OTOG: variants seen among roughly 807,000 people sequenced by gnomAD.
OTOG encodes the protein otogelin.
OTOG carries 296 observed loss-of-function variants against 313.8 expected under a neutral mutation model. The ratio of observed to expected loss-of-function variants is 0.94; its 90% confidence interval spans 0.86 to 1.04. The LOEUF (loss-of-function observed/expected upper bound fraction) is 1.04, where lower values mean the gene tolerates loss of function less well. Among genes scored for constraint, OTOG ranks in the 50% least tolerant of loss-of-function variants. The pLI is 0.00. For missense variants in OTOG, 3,948 were observed against 3,840.1 expected (o/e 1.03, Z -0.74); for synonymous variants, 1,533 against 1,554.9 (o/e 0.99, Z 0.33).
At chr11:17,622,786 C>T (rs1590049355) in intron 39 of OTOG, among the ~76,000 whole-genome samples, 1 of 152,218 alleles carries the variant, frequency 6.6e-6, no homozygotes, top group East Asian at 1.9e-4. Context: ...CAAATCTTAG[C>T]TATCGTGAAC....
In OTOG at chr11:17,553,390, C is replaced by G. The variant is rs1281379084; in HGVS notation, c.411C>G (p.Asp137Glu). The change falls in exon 6 of 56, where the codon GAC (aspartate) becomes GAG (glutamate). Residue 137 changes from aspartate (D) to glutamate (E), a missense_variant. By Grantham distance (45) the Asp-to-Glu change is conservative. Transcript: ENST00000399397. Reference sequence around the variant, plus strand: ...TGTACAATGCCGGCCCTGAGAGGGACAGCATTTGCCGGGCGTGGGGGCAGC... The same window carrying G: ...TGTACAATGCCGGCCCTGAGAGGGAGAGCATTTGCCGGGCGTGGGGGCAGC... ...QMVYNAGPER[D>E]SICRAWGQHH... The G allele has an allele frequency of 8.2e-6, 12 of 1,463,962 alleles. No individual in the cohort carries two copies. The highest frequency in any genetic ancestry group is 1.1e-5 in the Non-Finnish European group (12 of 1,104,734). 90.7% of individuals were successfully genotyped at this position (1,463,962 alleles called of 1,614,324 possible).
At chr11:17,615,272 A>G (rs1388465193) in intron 39 of OTOG, among the ~76,000 whole-genome samples, 1 of 152,204 alleles carries the variant, frequency 6.6e-6, no homozygotes, top group Non-Finnish European at 1.5e-5. Flanking sequence ...TTTATCACAT[A>G]TAAATCTAAT....
In OTOG at chr11:17,606,133, TG is replaced by T; in HGVS notation, c.4156+1del. On this transcript the variant is annotated frameshift_variant and splice_region_variant, in exon 33 of 56. Coordinates refer to ENST00000399397, the MANE Select transcript of OTOG (RefSeq NM_001292063.2). LOFTEE classifies it high-confidence loss of function. Reference sequence around the variant, plus strand: ...CGCCGGGGCACACTCTTCCGCCTTCTGGGTAGGCGACCCCCTGCCATTGCCC... The same window carrying T: ...CGCCGGGGCACACTCTTCCGCCTTCTGGTAGGCGACCCCCTGCCATTGCCC... ...VFRRGTLFRL[L>X]DAKPSGAAYP... is the part of the protein sequence containing the mutation. The T allele has an allele frequency of 6.5e-7, 1 of 1,528,244 alleles. No homozygotes were observed. The highest frequency in any genetic ancestry group is 8.8e-7 in the Non-Finnish European group (1 of 1,133,638). 94.7% of individuals were successfully genotyped at this position (1,528,244 alleles called of 1,614,324 possible).
intron 40 of OTOG, among the ~76,000 whole-genome samples, chr11:17,630,343 G>A (rs75568910): frequency 4.6e-5 from 7 of 152,186 alleles, no homozygotes; most frequent in Non-Finnish European, 1.0e-4. Flanking sequence ...AAAGAGCACT[G>A]TGGTCAGCAG....
intron 8 of OTOG, among the ~76,000 whole-genome samples, chr11:17,557,817 TG>T (rs1206498172): frequency 6.6e-6 from 1 of 152,140 alleles, no homozygotes; most frequent in East Asian, 1.9e-4. Flanking sequence ...AAGTAGTCCT[TG>T]CAACAATCTC....
intron 9 of OTOG, 74 bp from the exon 10 acceptor site, chr11:17,558,464 C>G: frequency 6.5e-7 from 1 of 1,530,490 alleles, no homozygotes; most frequent in Non-Finnish European, 8.8e-7. Context: ...CCCCACAGCT[C>G]AAGTTGGGGT....
rs539784682 is a variant in OTOG, at chr11:17,591,453, G to A, written c.2871G>A (p.Val957=). Residue 957 remains valine, a synonymous_variant, in exon 25 of 56, where the codon GTG becomes GTA. Transcript: ENST00000399397. The stretch of plus-strand genomic sequence containing the variant: ...GGTCTGGGCATGTGTTTTTCAGTGT[G>A]TGCCAGCGGGGCTCATTCCAGTGCA... ...DQVMSPCHTC[V]CQRGSFQCTL... is the part of the protein sequence containing the mutation. The A allele has an allele frequency of 3.0e-5, 46 of 1,550,710 alleles. No homozygotes were observed. In the African/African-American group the frequency reaches 5.3e-4, roughly 18 times the overall value.
At chr11:17,634,303 C>A in intron 44 of OTOG, 22 bp downstream of exon 44, 1 of 1,545,848 alleles carries the variant, frequency 6.5e-7, no homozygotes, top group Non-Finnish European at 8.7e-7. Flanking sequence ...CCTTCACTTC[C>A]TTGGACGTCA....
chr11:17,609,030 T>G, intron 34 of OTOG, 100 bp from the exon 35 acceptor site: 1 of 898,704 alleles, frequency 1.1e-6, no homozygotes, highest in Non-Finnish European at 1.7e-6. Flanking sequence ...TGCACGCACA[T>G]GTGTCATAAG....
intron 28 of OTOG, 140 bp downstream of exon 28, chr11:17,594,306 C>A: frequency 1.8e-6 from 2 of 1,142,594 alleles, no homozygotes; most frequent in Non-Finnish European, 1.2e-6. Flanking sequence ...GACTGCATCC[C>A]TAGCCCTAGA....
Position 17,610,352 on chromosome 11 carries a change from C to T in OTOG, c.5052C>T (p.Pro1684=), listed in dbSNP as rs559123807. The T allele has an allele frequency of 6.4e-4, 999 of 1,550,702 alleles. 16 individuals carry two copies. In the South Asian group the frequency reaches 0.011, roughly 17 times the overall value. ...KVISRTGVPQ[P]TQAQSASSPS... is the part of the protein sequence containing the mutation. ...TAAGCAGGACAGGGGTCCCCCAGCC[C>T]ACCCAGGCCCAGAGTGCTTCAAGTC... The change falls in exon 36 of 56, where the codon CCC becomes CCT. Residue 1684 remains proline (P), a synonymous_variant. Coordinates refer to ENST00000399397, the MANE Select transcript of OTOG (RefSeq NM_001292063.2).
At position 17,629,170 on chromosome 11, in the gene OTOG, G is replaced by A. The variant is rs893396157; in HGVS notation, c.6566G>A (p.Ser2189Asn). The change falls in exon 40 of 56, where the codon AGC becomes AAC. Residue 2189 changes from serine to asparagine, a missense_variant. Coordinates refer to ENST00000399397, the MANE Select transcript of OTOG (RefSeq NM_001292063.2). ...TTGCAGCCTGTGTGGCCACCGGTGA[G>A]CAGGTATGGATTCAGAATTGAGGAC... ...VDLQPVWPPV[S>N]RYGFRIEDTG... 1.3e-6 allele frequency: 2 copies of A among 1,550,466 alleles called. No individual in the cohort carries two copies. Among genetic ancestry groups the A allele is most frequent in the Non-Finnish European group, 8.7e-7 (1 of 1,146,926 alleles).
intron 23 of OTOG, among the ~76,000 whole-genome samples, chr11:17,581,190 G>A (rs1388478577): frequency 1.3e-5 from 2 of 152,178 alleles, no homozygotes; most frequent in Non-Finnish European, 2.9e-5. Context: ...AATAGAAGGG[G>A]GCGTCGGGGG....
intron 39 of OTOG, 22 bp from the exon 40 acceptor site, chr11:17,629,111 T>C: frequency 6.5e-7 from 1 of 1,546,132 alleles, no homozygotes; most frequent in Non-Finnish European, 8.7e-7. Context: ...CAAGCTGTGC[T>C]CACACTGAAT....
At chr11:17,626,075 T>C (rs886387133) in intron 39 of OTOG, among the ~76,000 whole-genome samples, 9 of 152,356 alleles carry the variant, frequency 5.9e-5, no homozygotes, top group African/African-American at 1.9e-4. Flanking sequence ...CCCCAATGTA[T>C]GTTCTTGGCA....
intron 32 of OTOG, among the ~76,000 whole-genome samples, chr11:17,605,583 C>CA (rs1449752750): frequency 6.6e-5 from 10 of 152,058 alleles, no homozygotes; most frequent in Admixed American, 6.6e-4. Flanking sequence ...AAGAGGGGTG[C>CA]AAAGGGGAGG....
intron 17 of OTOG, 77 bp from the exon 18 acceptor site, chr11:17,572,003 T>C: frequency 6.5e-7 from 1 of 1,530,934 alleles, no homozygotes. Flanking sequence ...CAAGTAGGTG[T>C]TACCTGGATC....
chr11:17,551,843 G>A (rs1377453908), intron 3 of OTOG, among the ~76,000 whole-genome samples, 157 bp from the exon 4 acceptor site: 2 of 152,106 alleles, frequency 1.3e-5, no homozygotes, highest in Non-Finnish European at 2.9e-5. Context: ...TCTGCCTCTC[G>A]AGGGGGCCAG....
intron 35 of OTOG, 95 bp from the exon 36 acceptor site, chr11:17,609,560 G>A: frequency 8.8e-7 from 1 of 1,134,734 alleles, no homozygotes; most frequent in Non-Finnish European, 1.2e-6. Context: ...CACCGAGAGT[G>A]CCAGTCCTCA....
Sources: gnomAD v4.1 joint callset for allele counts (sites outside exome capture counted in the v4.1 genomes callset) on GRCh38, gnomAD v4.1.1 for gene constraint, MANE v1.5 for transcripts, NCBI Gene and HGNC (gene_info 2026-07-23, HGNC 2026-07-21) for gene names.